GRM8: variants seen among roughly 807,000 people sequenced by gnomAD.
The protein encoded by GRM8 is glutamate metabotropic receptor 8.
A neutral mutation model predicts 87.2 loss-of-function variants in GRM8; 47 were observed. The observed-to-expected ratio is 0.54, with a 90% CI of 0.43 to 0.69. GRM8 has a LOEUF of 0.69. Among genes scored for constraint, GRM8 ranks in the 30% least tolerant of loss-of-function variants. The pLI is 0.00. For missense variants in GRM8, 1,019 were observed against 1,139.2 expected (o/e 0.89, Z 1.52); for synonymous variants, 396 against 404.5 (o/e 0.98, Z 0.25).
At chr7:127,148,717 C>T (rs1396242783) in intron 2 of GRM8, among the ~76,000 whole-genome samples, 1 of 151,920 alleles carries the variant, frequency 6.6e-6, no homozygotes, top group Non-Finnish European at 1.5e-5. Flanking sequence ...ATAACATGCT[C>T]CTAAACAACC....
At position 127,251,105 on chromosome 7, in the gene GRM8, G is replaced by C. The variant is rs201751437; in HGVS notation, c.-312+1692C>G. 3 of 152,192 alleles carry C rather than the reference G, an allele frequency of 2.0e-5. No individual in the cohort carries two copies. The East Asian group carries it at 5.8e-4, about 29-fold the overall frequency. The allele number at this position is 152,192 out of a possible 1,614,324, so 9.4% of individuals were successfully genotyped here. The stretch of plus-strand genomic sequence containing the variant: ...TGGCAAATAAGGCACTCCCTCCCGG[G>C]GTGGGACTTGCTTAGGGGACTTAAG... On this transcript the variant is annotated intron_variant, in intron 1 of 10. Transcript: ENST00000339582.
chr7:126,954,268 G>T (rs1808459087), intron 3 of GRM8, among the ~76,000 whole-genome samples: 1 of 152,112 alleles, frequency 6.6e-6, no homozygotes, highest in Non-Finnish European at 1.5e-5. Context: ...GCATGGCAAG[G>T]TCATAAATCT....
At chr7:127,105,853 G>A (rs1013046588) in intron 3 of GRM8, among the ~76,000 whole-genome samples, 2 of 151,860 alleles carry the variant, frequency 1.3e-5, no homozygotes, top group Non-Finnish European at 1.5e-5. Flanking sequence ...CAACCTCATC[G>A]TACACATACA....
At chr7:126,593,149 T>C (rs1796850250) in intron 8 of GRM8, among the ~76,000 whole-genome samples, 1 of 151,894 alleles carries the variant, frequency 6.6e-6, no homozygotes, top group Non-Finnish European at 1.5e-5. Flanking sequence ...GTTCACAGAT[T>C]GAAAAAGTTG....
chr7:127,157,994 A>G (rs535909997), intron 2 of GRM8, among the ~76,000 whole-genome samples: 2 of 152,148 alleles, frequency 1.3e-5, no homozygotes, highest in Non-Finnish European at 2.9e-5. Flanking sequence ...AACTAAGGAT[A>G]ATGATTAACA....
chr7:127,034,445 CA>C (rs2132330616), intron 3 of GRM8, among the ~76,000 whole-genome samples: 1 of 152,266 alleles, frequency 6.6e-6, no homozygotes, highest in East Asian at 1.9e-4. Context: ...TACACTGCCC[CA>C]AAATAAACTT....
At chr7:127,136,492 A>G (rs1827950758) in intron 2 of GRM8, among the ~76,000 whole-genome samples, 1 of 152,156 alleles carries the variant, frequency 6.6e-6, no homozygotes, top group Admixed American at 6.5e-5. Context: ...TTTATAACAT[A>G]AAATGTGAAG....
At position 126,744,639 on chromosome 7, in the gene GRM8, G is replaced by T. The variant is rs577067693; in HGVS notation, c.1357+25226C>A. On this transcript the variant is annotated intron_variant, in intron 7 of 10. Transcript: ENST00000339582. ...CAATGAATTTTAAGTTTATTGAACT[G>T]TCTCAGAAAACTGAAATTAATCTTT... Among the ~76,000 whole-genome samples the T allele has an allele frequency of 2.0e-3, 308 of 152,084 alleles. 1 individual carries two copies. Among genetic ancestry groups the T allele is most frequent in the African/African-American group, 7.2e-3 (299 of 41,548 alleles).
At chr7:126,713,760 A>G (rs1282382158) in intron 7 of GRM8, among the ~76,000 whole-genome samples, 1 of 152,034 alleles carries the variant, frequency 6.6e-6, no homozygotes, top group South Asian at 2.1e-4. Flanking sequence ...GTTATAATGA[A>G]TATGTTTGAT....
intron 7 of GRM8, among the ~76,000 whole-genome samples, chr7:126,738,831 A>G (rs901045254): frequency 6.6e-6 from 1 of 151,568 alleles, no homozygotes; most frequent in African/African-American, 2.4e-5. Context: ...GAGAAGGAAA[A>G]GAAGGAAAAA....
rs115359628 is a variant in GRM8 at position 126,520,588 on chromosome 7, T to A, written c.2430+12364A>T. Among the ~76,000 whole-genome samples the A allele has an allele frequency of 4.1e-3, 623 of 152,060 alleles. 4 individuals are homozygous for A. Among genetic ancestry groups the A allele is most frequent in the African/African-American group, 0.015 (602 of 41,496 alleles). ...TGGGGCAACTTGAACAGAAGGAAGA[T>A]GAGATAAAGAAGACAAAGAAACAAA... On this transcript the variant is annotated intron_variant, in intron 9 of 10. Coordinates refer to ENST00000339582, the MANE Select transcript of GRM8 (RefSeq NM_000845.3).
intron 8 of GRM8, among the ~76,000 whole-genome samples, chr7:126,601,747 T>C (rs1408556469): frequency 2.9e-4 from 43 of 148,286 alleles, no homozygotes; most frequent in Admixed American, 2.7e-4. Flanking sequence ...GAAGTGTCTG[T>C]TCATGTCCTT....
At chr7:126,638,084 A>C (rs553670175) in intron 7 of GRM8, among the ~76,000 whole-genome samples, 9 of 152,266 alleles carry the variant, frequency 5.9e-5, no homozygotes, top group African/African-American at 2.2e-4. Flanking sequence ...TATATACCAC[A>C]CTTTTCTGTA....
intron 6 of GRM8, among the ~76,000 whole-genome samples, chr7:126,843,437 C>A (rs1796447485): frequency 6.6e-6 from 1 of 152,182 alleles, no homozygotes; most frequent in Non-Finnish European, 1.5e-5. Flanking sequence ...AAGTGAAATG[C>A]AAATACATTT....
chr7:127,142,044 G>A (rs966802289), intron 2 of GRM8, among the ~76,000 whole-genome samples: 1 of 152,002 alleles, frequency 6.6e-6, no homozygotes, highest in South Asian at 2.1e-4. Context: ...GTACAGTGGT[G>A]TGATCATAGC....
intron 3 of GRM8, among the ~76,000 whole-genome samples, chr7:127,106,083 T>C (rs761614024): frequency 6.6e-6 from 1 of 152,236 alleles, no homozygotes; most frequent in Non-Finnish European, 1.5e-5. Context: ...TTAAGATGAT[T>C]ACTAGACTTA....
intron 3 of GRM8, among the ~76,000 whole-genome samples, chr7:127,085,243 C>T (rs1212498735): frequency 3.9e-5 from 6 of 152,152 alleles, no homozygotes; most frequent in East Asian, 1.9e-4. Context: ...TCCAAGTCTT[C>T]GCTATTGGGA....
chr7:127,057,965 A>T (rs1410555278), intron 3 of GRM8: 1 of 240,886 alleles, frequency 4.2e-6, no homozygotes, highest in African/African-American at 2.4e-5. Flanking sequence ...TCATGCAAAG[A>T]AACATTTTCT....
chr7:127,162,164 C>T (rs1197904763), intron 2 of GRM8, among the ~76,000 whole-genome samples: 1 of 152,196 alleles, frequency 6.6e-6, no homozygotes, highest in East Asian at 1.9e-4. Flanking sequence ...CTGTGGTTTT[C>T]TCCCAGAACT....
Sources: allele counts gnomAD v4.1 joint callset (sites outside exome capture counted in the v4.1 genomes callset), GRCh38; gene constraint gnomAD v4.1.1; transcripts MANE v1.5; gene names NCBI Gene and HGNC (gene_info 2026-07-23, HGNC 2026-07-21).